Variants in GCFC2 observed in about 807,000 individuals in gnomAD.
GCFC2 encodes intron Large complex component GCFC2.
Under a neutral mutation model 99.4 loss-of-function variants are expected in GCFC2, and 102 were observed. That is an observed-to-expected ratio of 1.03 (90% CI 0.87 to 1.21). The LOEUF (loss-of-function observed/expected upper bound fraction) is 1.21. Ranked by LOEUF, GCFC2 falls within the 50% of genes most tolerant of loss-of-function variation. The pLI is 0.00. For synonymous variants in GCFC2, 338 were observed against 316.8 expected (o/e 1.07, Z -0.71); for missense variants, 973 against 920.9 (o/e 1.06, Z -0.73).
chr2:75,700,024 C>G (rs1013325679), intron 4 of GCFC2, among the ~76,000 whole-genome samples: 1 of 152,036 alleles, frequency 6.6e-6, no homozygotes, highest in African/African-American at 2.4e-5. Context: ...CTTCAGCCCC[C>G]CAAGCAGCTA....
intron 2 of GCFC2, among the ~76,000 whole-genome samples, chr2:75,703,788 G>C (rs1184223812): frequency 6.6e-6 from 1 of 152,220 alleles, no homozygotes; most frequent in Non-Finnish European, 1.5e-5. Context: ...GAGCTGAGCA[G>C]AAGTATGTTT....
chr2:75,711,692 C>T (rs571218682), upstream of GCFC2, among the ~76,000 whole-genome samples: 3 of 152,348 alleles, frequency 2.0e-5, no homozygotes, highest in South Asian at 2.1e-4. Context: ...CTGCCAGCCC[C>T]GGGCAGTGAG....
At chr2:75,688,993 C>T in intron 10 of GCFC2, 33 bp downstream of exon 10, 1 of 1,143,550 alleles carries the variant, frequency 8.7e-7, no homozygotes, top group Non-Finnish European at 1.3e-6. Context: ...CTAATATAAT[C>T]AGGATAATTT....
intron 16 of GCFC2, among the ~76,000 whole-genome samples, chr2:75,665,383 G>T (rs1678790822): frequency 6.6e-6 from 1 of 151,946 alleles, no homozygotes; most frequent in Non-Finnish European, 1.5e-5. Context: ...CAAACTCCTG[G>T]GCTCAAGTGA....
intron 10 of GCFC2, among the ~76,000 whole-genome samples, 196 bp downstream of exon 10, chr2:75,688,830 T>G (rs1257821269): frequency 1.3e-5 from 2 of 152,200 alleles, no homozygotes; most frequent in Non-Finnish European, 2.9e-5. Flanking sequence ...ATGTTAATGA[T>G]GCTTAGCCTA....
intron 10 of GCFC2, among the ~76,000 whole-genome samples, chr2:75,688,618 C>G (rs564970545): frequency 1.3e-5 from 2 of 152,182 alleles, no homozygotes; most frequent in East Asian, 3.9e-4. Context: ...CCTGTTTACC[C>G]CATAAACTCT....
At chr2:75,697,421 C>T (rs570893160) in intron 4 of GCFC2, among the ~76,000 whole-genome samples, 3 of 152,338 alleles carry the variant, frequency 2.0e-5, no homozygotes, top group South Asian at 2.1e-4. Flanking sequence ...GTCAATAACC[C>T]ATTCAAATAT....
intron 4 of GCFC2, among the ~76,000 whole-genome samples, chr2:75,698,662 C>T (rs1680438973): frequency 6.6e-6 from 1 of 152,072 alleles, no homozygotes; most frequent in African/African-American, 2.4e-5. Flanking sequence ...TAGGGAAAAA[C>T]CGTAATACTC....
chr2:75,705,227 A>G (rs1158923253), intron 2 of GCFC2, among the ~76,000 whole-genome samples: 1 of 152,130 alleles, frequency 6.6e-6, no homozygotes, highest in African/African-American at 2.4e-5. Context: ...AGTTCTTAAT[A>G]TTGGCTTAAT....
At chr2:75,678,868 A>G (rs937644105) in intron 12 of GCFC2, among the ~76,000 whole-genome samples, 8 of 151,980 alleles carry the variant, frequency 5.3e-5, no homozygotes, top group Non-Finnish European at 7.4e-5. Flanking sequence ...GCTAATTTTT[A>G]TTTTTTTGGT....
intron 9 of GCFC2, among the ~76,000 whole-genome samples, chr2:75,689,599 T>C (rs879655210): frequency 3.9e-5 from 6 of 152,136 alleles, no homozygotes; most frequent in Non-Finnish European, 5.9e-5. Context: ...ATCCAGAGCC[T>C]AGAATTTTTC....
intron 6 of GCFC2, among the ~76,000 whole-genome samples, chr2:75,693,510 T>C (rs942228739): frequency 1.3e-5 from 2 of 151,982 alleles, no homozygotes; most frequent in Non-Finnish European, 2.9e-5. Flanking sequence ...ATTGAAATGG[T>C]TAATCTATTT....
chr2:75,706,449 A>C lies in GCFC2; in HGVS notation c.394+74T>G, dbSNP rs192848497. ...TTGCCCCATGTCACTAGAGTTTGTT[A>C]TGTCATTAATAACTATATCAAAAAC... is the stretch of plus-strand genomic sequence containing the variant. On this transcript the variant is annotated intron_variant, in intron 2 of 16. Transcript: ENST00000321027. The C allele has an allele frequency of 1.6e-5, 15 of 955,964 alleles. No individual in the cohort carries two copies. The African/African-American group carries it at 2.5e-4, about 16-fold the overall frequency. The allele number at this position is 955,964 out of a possible 1,614,324, so 59.2% of individuals were successfully genotyped here. A position where few individuals can be genotyped will look rare whatever the true frequency, so the allele number is the denominator to read the frequency against.
Position 75,703,696 on chromosome 2 carries a change from C to A in GCFC2, c.395-1273G>T, listed in dbSNP as rs532938599. Among the ~76,000 whole-genome samples, 24 of 152,310 alleles carry A rather than the reference C, an allele frequency of 1.6e-4. No homozygotes were observed. In the South Asian group the frequency reaches 5.0e-3, roughly 32 times the overall value. On this transcript the variant is annotated intron_variant, in intron 2 of 16. Coordinates refer to ENST00000321027, the MANE Select transcript of GCFC2 (RefSeq NM_003203.5). The stretch of plus-strand genomic sequence containing the variant: ...AGCAGGTTATAGTAGCAATTCTCGA[C>A]CCTGGCTACACATCAGAGTCACCTG...
chr2:75,673,669 T>C (rs555875612), intron 12 of GCFC2, 149 bp from the exon 13 acceptor site: 1 of 602,818 alleles, frequency 1.7e-6, no homozygotes, highest in African/African-American at 1.9e-5. Context: ...AAAAACCTTA[T>C]TTATCCATGT....
chr2:75,673,898 C>T (rs903224038), intron 12 of GCFC2, among the ~76,000 whole-genome samples: 3 of 152,188 alleles, frequency 2.0e-5, no homozygotes, highest in African/African-American at 7.2e-5. Context: ...CATGTCCATA[C>T]GTTCAACTAC....
At chr2:75,698,960 C>T (rs932362374) in intron 4 of GCFC2, among the ~76,000 whole-genome samples, 3 of 149,166 alleles carry the variant, frequency 2.0e-5, no homozygotes, top group African/African-American at 5.0e-5. Flanking sequence ...TGCAGTGAGC[C>T]GAGATCATGC....
chr2:75,678,414 T>C (rs1273707090), intron 12 of GCFC2, among the ~76,000 whole-genome samples: 1 of 152,198 alleles, frequency 6.6e-6, no homozygotes, highest in Non-Finnish European at 1.5e-5. Context: ...TTTCCATCTA[T>C]TTTACTTGAG....
chr2:75,673,783 T>C (rs1679228414), intron 12 of GCFC2, among the ~76,000 whole-genome samples: 1 of 152,200 alleles, frequency 6.6e-6, no homozygotes, highest in South Asian at 2.1e-4. Flanking sequence ...TGGTGGCTAT[T>C]ATAAATAATG....
Sources: gnomAD v4.1 joint callset for allele counts (sites outside exome capture counted in the v4.1 genomes callset) on GRCh38, gnomAD v4.1.1 for gene constraint, MANE v1.5 for transcripts, NCBI Gene and HGNC (gene_info 2026-07-23, HGNC 2026-07-21) for gene names.